PRELID2: variants seen among roughly 807,000 people sequenced by gnomAD.
PRELID2 encodes the protein PRELI domain containing 2, also known as PRELI domain-containing protein 2.
Under a neutral mutation model 28.4 loss-of-function variants are expected in PRELID2, and 25 were observed. The ratio of observed to expected loss-of-function variants is 0.88; its 90% CI spans 0.64 to 1.23. The LOEUF is 1.23. PRELID2 is among the 50% of genes most tolerant of loss of function. The probability of loss-of-function intolerance (pLI) is 0.00; values close to 1 mark genes in which losing one functional copy is unlikely to be tolerated. For synonymous variants in PRELID2, 76 were observed against 71.6 expected, an observed-to-expected ratio of 1.06 and a Z score of -0.31; for missense variants, 201 against 214.4, an observed-to-expected ratio of 0.94 and a Z score of 0.39.
intron 1 of PRELID2, among the ~76,000 whole-genome samples, chr5:145,663,258 A>G (rs899818239): frequency 5.3e-5 from 8 of 152,120 alleles, no homozygotes; most frequent in African/African-American, 1.4e-4. Context: ...AGACATTACT[A>G]TTGATCATGG....
chr5:145,534,415 AG>A (rs1321303525), intron 1 of PRELID2, among the ~76,000 whole-genome samples: 2 of 152,062 alleles, frequency 1.3e-5, no homozygotes, highest in African/African-American at 4.8e-5. Context: ...ACCTTTTAAT[AG>A]GTATTGCAAA....
chr5:145,764,212 C>T (rs338888), intron 6 of PRELID2, among the ~76,000 whole-genome samples: 135,936 of 152,290 alleles, frequency 0.89, 60,732 homozygotes, highest in East Asian at 0.99. Context: ...CTTTCCACTA[C>T]AAAGACCATT....
chr5:145,730,766 A>C (rs1756319362), intron 1 of PRELID2, among the ~76,000 whole-genome samples: 1 of 152,116 alleles, frequency 6.6e-6, no homozygotes, highest in Admixed American at 6.5e-5. Context: ...CACAAATAAC[A>C]TCTCTAACCA....
the PRELID2 span, among the ~76,000 whole-genome samples, chr5:145,412,037 CAGA>C: frequency 7.9e-5 from 12 of 152,122 alleles, no homozygotes; most frequent in Non-Finnish European, 1.3e-4. Flanking sequence ...GGGCCCAGGC[CAGA>C]AAACCATTTT....
intron 3 of PRELID2, chr5:145,819,652 T>C (rs1330330904): frequency 3.5e-6 from 2 of 574,768 alleles, no homozygotes; most frequent in African/African-American, 3.8e-5. Flanking sequence ...TTTCTAATCA[T>C]GAACAGATTA....
chr5:145,506,689 T>C (rs867910472), intron 1 of PRELID2, among the ~76,000 whole-genome samples: 2 of 152,182 alleles, frequency 1.3e-5, no homozygotes, highest in African/African-American at 4.8e-5. Context: ...GGGAGGATAC[T>C]GCAAAGTTAT....
At chr5:145,270,338 A>G in the PRELID2 span, among the ~76,000 whole-genome samples, 3 of 152,150 alleles carry the variant, frequency 2.0e-5, no homozygotes, top group Non-Finnish European at 4.4e-5. Context: ...GTGTGCATCA[A>G]TGAAAGAATG....
the PRELID2 span, among the ~76,000 whole-genome samples, chr5:145,447,992 T>A: frequency 6.6e-6 from 1 of 152,110 alleles, no homozygotes; most frequent in Non-Finnish European, 1.5e-5. Context: ...TACCCAGTAA[T>A]GGGATGGCTG....
chr5:145,487,793 T>A (rs1449973653), intron 1 of PRELID2, among the ~76,000 whole-genome samples: 1 of 151,456 alleles, frequency 6.6e-6, no homozygotes, highest in Non-Finnish European at 1.5e-5. Flanking sequence ...CTATTTTTGT[T>A]TTTTTTTTCT....
the PRELID2 span, among the ~76,000 whole-genome samples, chr5:145,368,737 T>C: frequency 1.3e-5 from 2 of 151,996 alleles, no homozygotes; most frequent in African/African-American, 4.8e-5. Context: ...CTTTCTTTTC[T>C]GGTTAAGTTT....
intron 1 of PRELID2, among the ~76,000 whole-genome samples, chr5:145,527,893 A>G (rs1752622833): frequency 6.6e-6 from 1 of 152,200 alleles, no homozygotes. Context: ...TTTATTATCT[A>G]TAAGGCTGCC....
intron 1 of PRELID2, among the ~76,000 whole-genome samples, chr5:145,715,363 C>G (rs898639693): frequency 6.6e-6 from 1 of 152,130 alleles, no homozygotes; most frequent in African/African-American, 2.4e-5. Flanking sequence ...CTCCTCTTTA[C>G]TTCTACTACC....
intron 1 of PRELID2, among the ~76,000 whole-genome samples, chr5:145,688,863 A>C (rs770109980): frequency 6.6e-6 from 1 of 152,242 alleles, no homozygotes; most frequent in Non-Finnish European, 1.5e-5. Context: ...TTCAGGCTTC[A>C]TTGGAATAAT....
At chr5:145,444,335 C>T in the PRELID2 span, among the ~76,000 whole-genome samples, 2 of 152,072 alleles carry the variant, frequency 1.3e-5, no homozygotes, top group East Asian at 1.9e-4. Flanking sequence ...CACTGGATTC[C>T]GAACATTCAT....
chr5:145,570,017 G>A (rs771279046), intron 1 of PRELID2, among the ~76,000 whole-genome samples: 1 of 152,122 alleles, frequency 6.6e-6, no homozygotes, highest in Non-Finnish European at 1.5e-5. Context: ...AGAGGGCTGC[G>A]AGGGCTATCA....
At chr5:145,439,825 T>C in the PRELID2 span, among the ~76,000 whole-genome samples, 1 of 152,122 alleles carries the variant, frequency 6.6e-6, no homozygotes, top group East Asian at 1.9e-4. Flanking sequence ...GGTCTTCAAA[T>C]TCATTCTTTA....
At chr5:145,454,827 T>C in the PRELID2 span, among the ~76,000 whole-genome samples, 2 of 152,174 alleles carry the variant, frequency 1.3e-5, no homozygotes, top group African/African-American at 4.8e-5. Flanking sequence ...GATGGGATTG[T>C]TTGCTTTTTT....
At chr5:145,420,207 G>A in the PRELID2 span, among the ~76,000 whole-genome samples, 13 of 152,146 alleles carry the variant, frequency 8.5e-5, no homozygotes, top group East Asian at 1.9e-4. Context: ...TTGACTTGGC[G>A]ATGCGGGCTC....
intron 1 of PRELID2, among the ~76,000 whole-genome samples, chr5:145,587,661 C>G (rs1212217652): frequency 1.3e-5 from 2 of 152,096 alleles, no homozygotes; most frequent in African/African-American, 4.8e-5. Context: ...TTAGCTATTC[C>G]TTGTGGGCTT....
Sources: allele counts gnomAD v4.1 joint callset (sites outside exome capture counted in the v4.1 genomes callset), GRCh38; gene constraint gnomAD v4.1.1; transcripts MANE v1.5; gene names NCBI Gene and HGNC (gene_info 2026-07-23, HGNC 2026-07-21).